DGKB: variants seen among roughly 807,000 people sequenced by gnomAD.
DGKB encodes the protein 90 kDa diacylglycerol kinase.
Under a neutral mutation model 114.3 loss-of-function variants are expected in DGKB, and 67 were observed. The observed-to-expected ratio is 0.59, with a 90% CI of 0.48 to 0.72. The LOEUF (loss-of-function observed/expected upper bound fraction) is 0.72. Ranked by LOEUF, DGKB falls within the 30% of genes least tolerant of loss-of-function variation. The pLI, the probability that DGKB is intolerant of heterozygous loss-of-function variation, is 0.00. For synonymous variants in DGKB, 398 were observed against 323.1 expected, an observed-to-expected ratio of 1.23 and a Z score of -2.49; for missense variants, 907 against 975.2, an observed-to-expected ratio of 0.93 and a Z score of 0.93.
chr7:14,575,719 T>G (rs977532822), intron 19 of DGKB, among the ~76,000 whole-genome samples: 1 of 152,208 alleles, frequency 6.6e-6, no homozygotes, highest in Non-Finnish European at 1.5e-5. Flanking sequence ...AGCACACACA[T>G]AGTCCTAAAA....
chr7:14,901,387 A>G (rs889519094), intron 1 of DGKB, among the ~76,000 whole-genome samples: 20 of 152,192 alleles, frequency 1.3e-4, no homozygotes, highest in African/African-American at 4.6e-4. Context: ...GTTTTTCACA[A>G]TTGTTATTTC....
chr7:14,347,654 A>G (rs147696811), intron 21 of DGKB, among the ~76,000 whole-genome samples: 1 of 152,170 alleles, frequency 6.6e-6, no homozygotes, highest in African/African-American at 2.4e-5. Context: ...AAAGGATGCA[A>G]ACTTACAGTT....
chr7:14,937,575 T>C (rs117649890), intron 1 of DGKB, among the ~76,000 whole-genome samples: 1 of 152,300 alleles, frequency 6.6e-6, no homozygotes, highest in East Asian at 1.9e-4. Context: ...GGAAGTAATC[T>C]TAGCATCTGA....
At chr7:14,217,531 A>G (rs1184028953) in intron 23 of DGKB, among the ~76,000 whole-genome samples, 4 of 152,052 alleles carry the variant, frequency 2.6e-5, no homozygotes, top group Non-Finnish European at 5.9e-5. Flanking sequence ...ACCACTGTAA[A>G]CTTTTGAAAT....
intron 1 of DGKB, among the ~76,000 whole-genome samples, chr7:14,958,211 TTCTA>T (rs1290888409): frequency 6.6e-6 from 1 of 152,028 alleles, no homozygotes; most frequent in Non-Finnish European, 1.5e-5. Flanking sequence ...AGGTTAGTTT[TTCTA>T]AGAGCTGCAA....
In DGKB at chr7:14,564,490, T is replaced by C. The variant is rs374405580; in HGVS notation, c.1770+9722A>G. On this transcript the variant is annotated intron_variant, in intron 20 of 25. Coordinates refer to ENST00000402815, the MANE Select transcript of DGKB (RefSeq NM_001350709.2). ...TTTTCAGATTTCTCACAAAGGGAAT[T>C]AGTCTGTAAAAGATTTCTGAAGCTA... Among the ~76,000 whole-genome samples, 19 of 152,274 alleles carry C rather than the reference T, an allele frequency of 1.2e-4. No individual in the cohort carries two copies. The East Asian group carries it at 3.5e-3, about 28-fold the overall frequency.
At chr7:14,348,357 G>A (rs1812845515) in intron 21 of DGKB, among the ~76,000 whole-genome samples, 1 of 152,028 alleles carries the variant, frequency 6.6e-6, no homozygotes, top group South Asian at 2.1e-4. Context: ...TACATGGTAT[G>A]AATGCATCAT....
chr7:14,729,141 T>G (rs1830474335), intron 5 of DGKB, among the ~76,000 whole-genome samples: 2 of 148,242 alleles, frequency 1.3e-5, no homozygotes, highest in South Asian at 4.3e-4. Flanking sequence ...TTTTTTTTTT[T>G]TGATGGAGTC....
intron 17 of DGKB, among the ~76,000 whole-genome samples, chr7:14,601,894 G>C (rs1803608818): frequency 6.6e-6 from 1 of 151,954 alleles, no homozygotes; most frequent in African/African-American, 2.4e-5. Flanking sequence ...TAATCTCTAA[G>C]ACTGAACCTC....
At position 14,700,402 on chromosome 7, in the gene DGKB, C is replaced by T. The variant is rs541462893; in HGVS notation, c.516+1279G>A. 4.7e-4 allele frequency among the ~76,000 whole-genome samples: 72 copies of T among 151,982 alleles called. No homozygotes were observed. In the East Asian group the frequency reaches 6.6e-3, roughly 14 times the overall value. On this transcript the variant is annotated intron_variant, in intron 7 of 25. Transcript: ENST00000402815. The stretch of plus-strand genomic sequence containing the variant: ...ATAATTTTTGTATTTTTAGTAGAGA[C>T]GGGGTTTCACCATGTTGGCCAGCTG...
chr7:14,462,542 A>C (rs1178192277), intron 21 of DGKB, among the ~76,000 whole-genome samples: 1 of 152,178 alleles, frequency 6.6e-6, no homozygotes, highest in African/African-American at 2.4e-5. Flanking sequence ...TACAACTTAC[A>C]AGGGATGTGA....
At chr7:14,953,605 T>C (rs1464387291) in intron 1 of DGKB, among the ~76,000 whole-genome samples, 2 of 152,130 alleles carry the variant, frequency 1.3e-5, no homozygotes, top group Non-Finnish European at 2.9e-5. Flanking sequence ...TGGGAACATG[T>C]AACAGTGCAG....
intron 2 of DGKB, among the ~76,000 whole-genome samples, chr7:14,763,218 G>A (rs1835963490): frequency 6.6e-6 from 1 of 151,930 alleles, no homozygotes; most frequent in Non-Finnish European, 1.5e-5. Context: ...TGTATGGCAT[G>A]GTTTATCTGT....
intron 1 of DGKB, among the ~76,000 whole-genome samples, chr7:14,883,202 T>C (rs925079709): frequency 3.9e-5 from 6 of 151,980 alleles, no homozygotes; most frequent in Non-Finnish European, 7.4e-5. Context: ...CTAACTTAGA[T>C]TTGTAATTTA....
intron 20 of DGKB, among the ~76,000 whole-genome samples, chr7:14,540,056 T>G (rs937806188): frequency 6.6e-6 from 1 of 152,090 alleles, no homozygotes; most frequent in Non-Finnish European, 1.5e-5. Context: ...ATATTTCACT[T>G]AAGTAAAATA....
intron 21 of DGKB, among the ~76,000 whole-genome samples, chr7:14,406,665 G>C (rs562550341): frequency 6.6e-6 from 1 of 152,090 alleles, no homozygotes; most frequent in African/African-American, 2.4e-5. Flanking sequence ...CTATCCCTAG[G>C]GATCTTGTAA....
chr7:14,502,766 T>C (rs895643248), intron 20 of DGKB, among the ~76,000 whole-genome samples: 2 of 152,096 alleles, frequency 1.3e-5, no homozygotes, highest in Non-Finnish European at 1.5e-5. Context: ...CACTATTCTC[T>C]TCACAGAGCA....
chr7:14,468,899 T>C (rs889396911), intron 21 of DGKB, among the ~76,000 whole-genome samples: 11 of 152,030 alleles, frequency 7.2e-5, no homozygotes, highest in African/African-American at 2.7e-4. Context: ...TGCAAATTCA[T>C]GTAAAGTAAT....
chr7:14,387,006 A>C (rs926705878), intron 21 of DGKB, among the ~76,000 whole-genome samples: 1 of 152,096 alleles, frequency 6.6e-6, no homozygotes, highest in African/African-American at 2.4e-5. Flanking sequence ...TTATTAATGG[A>C]TGCCGAAAGC....
Sources: gnomAD v4.1 joint callset for allele counts (sites outside exome capture counted in the v4.1 genomes callset) on GRCh38, gnomAD v4.1.1 for gene constraint, MANE v1.5 for transcripts, NCBI Gene and HGNC (gene_info 2026-07-23, HGNC 2026-07-21) for gene names.